The following KLRG1 variants were observed in gnomAD, a reference collection of about 807,000 sequenced individuals.
KLRG1 encodes the protein killer cell lectin like receptor G1, also known as killer cell lectin-like receptor subfamily G member 1.
Under a neutral mutation model 21.8 loss-of-function variants are expected in KLRG1, and 16 were observed. The observed-to-expected ratio is 0.73, with a 90% CI of 0.50 to 1.11. The LOEUF is 1.11. Among genes scored for constraint, KLRG1 ranks in the 50% most tolerant of loss-of-function variants. The probability of loss-of-function intolerance (pLI) is 0.00; values close to 1 mark genes in which losing one functional copy is unlikely to be tolerated. For synonymous variants in KLRG1, 69 were observed against 75.9 expected (o/e 0.91, Z 0.47); for missense variants, 173 against 218.3 (o/e 0.79, Z 1.31).
the KLRG1 span, among the ~76,000 whole-genome samples, chr12:9,062,400 T>C: frequency 9.0e-6 from 1 of 111,500 alleles, no homozygotes; most frequent in Non-Finnish European, 1.8e-5. Flanking sequence ...CCTGACACAA[T>C]AGATGGATAA....
chr12:9,125,681 T>G, the KLRG1 span, among the ~76,000 whole-genome samples: 4 of 152,180 alleles, frequency 2.6e-5, no homozygotes, highest in African/African-American at 7.2e-5. Context: ...TTAATCTAGG[T>G]TTTAGATAAA....
chr12:8,991,905 C>T (rs1158998422), intron 1 of KLRG1, among the ~76,000 whole-genome samples: 1 of 152,164 alleles, frequency 6.6e-6, no homozygotes, highest in Non-Finnish European at 1.5e-5. Flanking sequence ...CCCAATTGTC[C>T]TCCAAAGAGG....
chr12:9,044,243 A>T, the KLRG1 span, among the ~76,000 whole-genome samples: 6 of 152,364 alleles, frequency 3.9e-5, no homozygotes, highest in African/African-American at 7.2e-5. Context: ...AAACGCATGC[A>T]AATTATATGA....
At chr12:9,101,557 C>T in the KLRG1 span, 559 of 1,613,926 alleles carry the variant, frequency 3.5e-4, 5 homozygotes, top group African/African-American at 6.8e-3. Flanking sequence ...GACATGGGCT[C>T]AAGGTGGACA....
the KLRG1 span, chr12:9,128,075 AC>A: frequency 9.5e-6 from 2 of 209,680 alleles, no homozygotes; most frequent in Non-Finnish European, 2.0e-5. Context: ...CGATGAGCTG[AC>A]CCCGGCCAGG....
chr12:9,180,959 TC>T, the KLRG1 span: 1 of 1,603,366 alleles, frequency 6.2e-7, no homozygotes, highest in Non-Finnish European at 8.5e-7. Context: ...CCCTTCCTGG[TC>T]CCCAAGGCCA....
chr12:9,036,616 T>C, the KLRG1 span: 1 of 206,936 alleles, frequency 4.8e-6, no homozygotes, highest in Non-Finnish European at 9.9e-6. Flanking sequence ...ACACTGTTAA[T>C]ACTCTGGGAA....
chr12:9,086,174 A>G, the KLRG1 span, among the ~76,000 whole-genome samples: 1 of 152,016 alleles, frequency 6.6e-6, no homozygotes. Flanking sequence ...TACCAATGTC[A>G]TAAAAAGACA....
At chr12:9,093,345 C>A in the KLRG1 span, 1 of 671,310 alleles carries the variant, frequency 1.5e-6, no homozygotes, top group Non-Finnish European at 2.6e-6. Flanking sequence ...ATATATATAT[C>A]AAAACATCAT....
chr12:9,138,972 T>G, the KLRG1 span, among the ~76,000 whole-genome samples: 1 of 151,972 alleles, frequency 6.6e-6, no homozygotes, highest in African/African-American at 2.4e-5. Flanking sequence ...CTCTGCTAAT[T>G]TTGAGCTTAG....
At chr12:9,180,950 C>T in the KLRG1 span, 4 of 1,597,710 alleles carry the variant, frequency 2.5e-6, no homozygotes, top group African/African-American at 4.0e-5. Context: ...CTGGAATGGC[C>T]CTTCCTGGTC....
chr12:9,091,378 C>G, the KLRG1 span: 6 of 1,614,080 alleles, frequency 3.7e-6, no homozygotes, highest in Non-Finnish European at 5.1e-6. Flanking sequence ...CTGCCTTCCA[C>G]TCGGTGATGG....
chr12:9,019,736 C>G, the KLRG1 span, among the ~76,000 whole-genome samples: 47,703 of 151,958 alleles, frequency 0.31, 7,575 homozygotes, highest in Admixed American at 0.37. Flanking sequence ...GAAGAAATTT[C>G]TGATTTCTTC....
chr12:9,094,340 CATATATATATATAT>C, the KLRG1 span, among the ~76,000 whole-genome samples: 141 of 97,030 alleles, frequency 1.5e-3, 2 homozygotes, highest in South Asian at 8.1e-4. Flanking sequence ...AAAAATTGTG[CATATATATATATAT>C]ATATATATAT....
chr12:9,068,714 T>G, the KLRG1 span: 3 of 1,521,522 alleles, frequency 2.0e-6, no homozygotes, highest in Admixed American at 1.9e-5. Context: ...ATTAAATATT[T>G]CTACGTGAAA....
At chr12:9,104,549 C>A in the KLRG1 span, 1 of 743,114 alleles carries the variant, frequency 1.3e-6, no homozygotes, top group Non-Finnish European at 2.1e-6. Flanking sequence ...GAAGTTTCTT[C>A]CATCACAGAG....
At chr12:9,118,880 A>T in the KLRG1 span, among the ~76,000 whole-genome samples, 1 of 152,232 alleles carries the variant, frequency 6.6e-6, no homozygotes, top group African/African-American at 2.4e-5. Context: ...ATGCCATGGA[A>T]ATGGATGATA....
At chr12:9,203,910 G>A in the KLRG1 span, 5 of 1,614,072 alleles carry the variant, frequency 3.1e-6, no homozygotes, top group Middle Eastern at 1.7e-4. Flanking sequence ...CTTCTTAGGG[G>A]CCTCAGTGTG....
At chr12:9,138,656 G>A in the KLRG1 span, among the ~76,000 whole-genome samples, 16 of 151,986 alleles carry the variant, frequency 1.1e-4, no homozygotes, top group African/African-American at 3.6e-4. Flanking sequence ...AAGGATTTTT[G>A]TTATTCATTA....
Sources: gnomAD v4.1 joint callset for allele counts (sites outside exome capture counted in the v4.1 genomes callset) on GRCh38, gnomAD v4.1.1 for gene constraint, MANE v1.5 for transcripts, NCBI Gene and HGNC (gene_info 2026-07-23, HGNC 2026-07-21) for gene names.